STK3: variants seen among roughly 807,000 people sequenced by gnomAD.
STK3 encodes the protein serine/threonine-protein kinase 3.
STK3 carries 41 observed loss-of-function variants against 58.0 expected under a neutral mutation model. The ratio of observed to expected loss-of-function variants is 0.71; its 90% confidence interval spans 0.55 to 0.92. The LOEUF (loss-of-function observed/expected upper bound fraction) is 0.92. Among genes scored for constraint, STK3 ranks in the 40% least tolerant of loss-of-function variants. The pLI, the probability that STK3 is intolerant of heterozygous loss-of-function variation, is 0.00. For missense variants in STK3, 479 were observed against 602.7 expected (o/e 0.79, Z 2.15); for synonymous variants, 170 against 191.0 (o/e 0.89, Z 0.91).
intron 6 of STK3, among the ~76,000 whole-genome samples, chr8:98,679,423 C>G (rs1823464451): frequency 6.6e-6 from 1 of 152,086 alleles, no homozygotes; most frequent in Admixed American, 6.5e-5. Flanking sequence ...ACTGGCAATC[C>G]AACACAACAC....
chr8:98,853,143 C>T lies in STK3; in HGVS notation c.110+30504G>A, dbSNP rs185359494. Reference sequence around the variant, plus strand: ...AATTTTTCCTAGGGTATCACTCTCACGCTTAAAAGAATTTGGTATAGGGTA... The same window carrying T: ...AATTTTTCCTAGGGTATCACTCTCATGCTTAAAAGAATTTGGTATAGGGTA... On this transcript the variant is annotated intron_variant, in intron 3 of 12. Coordinates refer to the STK3 transcript ENST00000523601. 8.5e-3 allele frequency among the ~76,000 whole-genome samples: 1,295 copies of T among 152,066 alleles called. 12 individuals are homozygous for T. Among genetic ancestry groups the T allele is most frequent in the African/African-American group, 0.029 (1,218 of 41,494 alleles).
chr8:98,602,919 A>T (rs2130080919), intron 6 of STK3, among the ~76,000 whole-genome samples: 1 of 151,618 alleles, frequency 6.6e-6, no homozygotes, highest in Admixed American at 6.6e-5. Context: ...TACCAAATAT[A>T]TCTAAAGATA....
At chr8:98,362,517 G>C in the STK3 span, among the ~76,000 whole-genome samples, 2 of 152,164 alleles carry the variant, frequency 1.3e-5, no homozygotes, top group Non-Finnish European at 2.9e-5. Context: ...AGAAGATCCA[G>C]GGTGATGGGC....
intron 3 of STK3, among the ~76,000 whole-genome samples, chr8:98,839,819 G>A (rs1040922707): frequency 2.0e-5 from 3 of 151,984 alleles, no homozygotes; most frequent in Non-Finnish European, 4.4e-5. Context: ...GTTATCTCAG[G>A]GGCACCTTGC....
chr8:98,692,402 G>A (rs1483361553), intron 6 of STK3, among the ~76,000 whole-genome samples: 1 of 152,136 alleles, frequency 6.6e-6, no homozygotes, highest in African/African-American at 2.4e-5. Flanking sequence ...AGCAAATTCT[G>A]ACACATTCTA....
upstream of STK3, among the ~76,000 whole-genome samples, chr8:98,391,030 C>A: frequency 6.6e-6 from 1 of 152,212 alleles, no homozygotes; most frequent in East Asian, 1.9e-4. Flanking sequence ...GTCATCTAAG[C>A]ATTGGCATCC....
chr8:98,640,492 G>A (rs1035120339), intron 6 of STK3, among the ~76,000 whole-genome samples: 1 of 151,516 alleles, frequency 6.6e-6, no homozygotes. Flanking sequence ...ACTAGTGAAG[G>A]GTTCCTAATA....
At chr8:98,756,522 A>C (rs1830296950) in intron 3 of STK3, among the ~76,000 whole-genome samples, 1 of 152,216 alleles carries the variant, frequency 6.6e-6, no homozygotes, top group South Asian at 2.1e-4. Flanking sequence ...TCAGTGAAGA[A>C]TTTTAAGCAG....
intron 2 of STK3, 30 bp from the exon 3 acceptor site, chr8:98,767,401 C>CT: frequency 1.3e-6 from 2 of 1,555,218 alleles, no homozygotes; most frequent in Non-Finnish European, 1.7e-6. Context: ...TATTTTTTTC[C>CT]TATCAAACAT....
chr8:98,633,918 T>C, intron 6 of STK3: 1 of 266,568 alleles, frequency 3.8e-6, no homozygotes, highest in East Asian at 8.8e-5. Context: ...GGGTTAGCTG[T>C]ACAACTAGCT....
intron 3 of STK3, among the ~76,000 whole-genome samples, chr8:98,423,672 T>C (rs1818196970): frequency 6.6e-6 from 1 of 152,166 alleles, no homozygotes; most frequent in South Asian, 2.1e-4. Context: ...AGCACCTCTG[T>C]GCTGAAACAC....
intron 2 of STK3, among the ~76,000 whole-genome samples, chr8:98,372,355 C>T (rs1270338470): frequency 1.3e-5 from 2 of 152,220 alleles, no homozygotes; most frequent in African/African-American, 4.8e-5. Context: ...GTTCCAGAGC[C>T]TTATGCCTCA....
At chr8:98,746,182 C>T (rs926736557) in intron 4 of STK3, among the ~76,000 whole-genome samples, 1 of 152,176 alleles carries the variant, frequency 6.6e-6, no homozygotes, top group Non-Finnish European at 1.5e-5. Context: ...ATTGCTAGTT[C>T]TAGCCACCAG....
rs142921118 is a variant in STK3 at position 98,845,584 on chromosome 8, C to T, written c.110+38063G>A. 9.2e-5 allele frequency among the ~76,000 whole-genome samples: 14 copies of T among 152,328 alleles called. No individual in the cohort carries two copies. In the East Asian group the frequency reaches 1.9e-3, roughly 21 times the overall value. ...TCCGCTGAAAGTAACCATTTTTCCA[C>T]GTTCATATACTTGGAAGTTTTCTCA... On this transcript the variant is annotated intron_variant, in intron 3 of 12. Transcript: ENST00000523601.
chr8:98,421,509 C>T (rs755590158), intron 3 of STK3, among the ~76,000 whole-genome samples: 6 of 152,170 alleles, frequency 3.9e-5, no homozygotes, highest in Non-Finnish European at 8.8e-5. Flanking sequence ...TGCAGTGGCT[C>T]ATGCTTATAA....
intron 10 of STK3, among the ~76,000 whole-genome samples, chr8:98,484,981 T>G (rs917175602): frequency 2.0e-5 from 3 of 152,194 alleles, no homozygotes; most frequent in African/African-American, 7.2e-5. Context: ...GGCTCACGCC[T>G]GTAATCTCAG....
intron 2 of STK3, among the ~76,000 whole-genome samples, chr8:98,772,373 A>AT (rs1217880772): frequency 6.6e-6 from 1 of 152,118 alleles, no homozygotes; most frequent in Non-Finnish European, 1.5e-5. Flanking sequence ...TGTCCTTGAG[A>AT]TGGTGAGTTT....
At chr8:98,838,531 A>G (rs2131802013) in intron 3 of STK3, among the ~76,000 whole-genome samples, 1 of 152,276 alleles carries the variant, frequency 6.6e-6, no homozygotes, top group African/African-American at 2.4e-5. Context: ...GCAGGAGCGA[A>G]AAAAGAGGAG....
intron 1 of STK3, among the ~76,000 whole-genome samples, chr8:98,819,073 T>G (rs1036148886): frequency 3.9e-5 from 6 of 152,290 alleles, no homozygotes; most frequent in Admixed American, 3.9e-4. Context: ...TCTGCCCACC[T>G]CAGCCTCCCA....
Sources: allele counts gnomAD v4.1 joint callset (sites outside exome capture counted in the v4.1 genomes callset), GRCh38; gene constraint gnomAD v4.1.1; transcripts MANE v1.5; gene names NCBI Gene and HGNC (gene_info 2026-07-23, HGNC 2026-07-21).